Variants in ITGA1 observed in about 807,000 individuals in gnomAD.
ITGA1 encodes the protein integrin alpha-1.
Under a neutral mutation model 145.9 loss-of-function variants are expected in ITGA1, and 85 were observed. That is an observed-to-expected ratio of 0.58 (90% CI 0.49 to 0.70). The LOEUF (loss-of-function observed/expected upper bound fraction) is 0.70. ITGA1 is among the 30% of genes least tolerant of loss of function. ITGA1 has a pLI of 0.00. For synonymous variants in ITGA1, 520 were observed against 495.3 expected, an observed-to-expected ratio of 1.05 and a Z score of -0.66; for missense variants, 1,351 against 1,418.7, an observed-to-expected ratio of 0.95 and a Z score of 0.77.
intron 1 of ITGA1, chr5:52,801,055 C>A (rs1499280): frequency 0.91 from 1,474,118 of 1,613,542 alleles, 673,786 homozygotes; most frequent in Middle Eastern, 0.95. Context: ...CTGCGACTAC[C>A]TGTTTCAACA....
At chr5:52,871,812 C>G (rs1009935490) in intron 6 of ITGA1, among the ~76,000 whole-genome samples, 3 of 152,036 alleles carry the variant, frequency 2.0e-5, no homozygotes, top group Non-Finnish European at 4.4e-5. Context: ...TTTTTGTCAA[C>G]CAATTTTTTA....
At chr5:52,878,637 A>G (rs1749905906) in intron 6 of ITGA1, among the ~76,000 whole-genome samples, 1 of 152,230 alleles carries the variant, frequency 6.6e-6, no homozygotes, top group African/African-American at 2.4e-5. Flanking sequence ...TTGGCAGTTT[A>G]CGACAATTAG....
Position 52,887,750 on chromosome 5 carries a change from T to C in ITGA1, c.774-65T>C, listed in dbSNP as rs968545628. 2.7e-6 allele frequency: 4 copies of C among 1,483,014 alleles called. No individual in the cohort carries two copies. In the African/African-American group the frequency reaches 4.2e-5, roughly 16 times the overall value. 91.9% of individuals were successfully genotyped at this position (1,483,014 alleles called of 1,614,324 possible). On this transcript the variant is annotated intron_variant, in intron 7 of 28. Coordinates refer to ENST00000282588, the MANE Select transcript of ITGA1 (RefSeq NM_181501.2). Reference sequence around the variant, plus strand: ...TAGAGTAGTCAGTGTTTTTGTTTAGTTTTTTACTTTGTCTATTGTAAAGTG... The same window carrying C: ...TAGAGTAGTCAGTGTTTTTGTTTAGCTTTTTACTTTGTCTATTGTAAAGTG...
At chr5:52,844,806 G>A (rs62357147) in intron 1 of ITGA1, among the ~76,000 whole-genome samples, 10,373 of 152,100 alleles carry the variant, frequency 0.068, 491 homozygotes, top group Non-Finnish European at 0.1. Context: ...TGGAAGTGGA[G>A]GCTCGGTTGT....
chr5:52,837,258 C>T (rs964869625), intron 1 of ITGA1, among the ~76,000 whole-genome samples: 1 of 152,122 alleles, frequency 6.6e-6, no homozygotes, highest in Non-Finnish European at 1.5e-5. Context: ...CAAAGCAAAG[C>T]ATTTTCTTAA....
chr5:52,883,255 C>A (rs1295588844), intron 7 of ITGA1, among the ~76,000 whole-genome samples: 3 of 152,142 alleles, frequency 2.0e-5, no homozygotes, highest in Admixed American at 2.0e-4. Flanking sequence ...AACCTCTGAG[C>A]CTGTAGGGAG....
intron 26 of ITGA1, among the ~76,000 whole-genome samples, chr5:52,943,294 TG>T (rs1454054887): frequency 6.6e-6 from 1 of 152,206 alleles, no homozygotes; most frequent in East Asian, 1.9e-4. Context: ...TTTCTCATCT[TG>T]GGGGACTGAT....
At chr5:52,801,664 C>A in intron 1 of ITGA1, 1 of 1,614,060 alleles carries the variant, frequency 6.2e-7, no homozygotes, top group Non-Finnish European at 8.5e-7. Flanking sequence ...CACACGGAGC[C>A]GGTATGTGAG....
At position 52,953,746 on chromosome 5, in the gene ITGA1, T is replaced by C. The variant is rs1751263592; in HGVS notation, c.*1295T>C. Reference sequence around the variant, plus strand: ...TAAGCTCCTAGGTTGCTCCATTTCTTAGGAAAATAGCAATGAATGAATGTA... The same window carrying C: ...TAAGCTCCTAGGTTGCTCCATTTCTCAGGAAAATAGCAATGAATGAATGTA... On this transcript the variant is annotated 3_prime_UTR_variant, in exon 29 of 29. Coordinates refer to ENST00000282588, the MANE Select transcript of ITGA1 (RefSeq NM_181501.2). 1 of 152,186 alleles carries C rather than the reference T, an allele frequency of 6.6e-6. No individual in the cohort carries two copies. The highest frequency in any genetic ancestry group is 6.5e-5 in the Admixed American group (1 of 15,274). The allele number at this position is 152,186 out of a possible 1,614,324, so 9.4% of individuals were successfully genotyped here. A position where few individuals can be genotyped will look rare whatever the true frequency, so the allele number is the denominator to read the frequency against.
chr5:52,845,247 G>C (rs1395981439), intron 1 of ITGA1, among the ~76,000 whole-genome samples: 3 of 152,102 alleles, frequency 2.0e-5, no homozygotes, highest in Admixed American at 1.3e-4. Flanking sequence ...AAATCCTTCA[G>C]GGGGGTGAAA....
intron 27 of ITGA1, 139 bp from the exon 28 acceptor site, chr5:52,947,206 T>C (rs890973348): frequency 3.5e-6 from 2 of 573,322 alleles, no homozygotes; most frequent in Non-Finnish European, 6.3e-6. Flanking sequence ...GAGCATTTTC[T>C]AATGTAAATC....
chr5:52,873,533 T>C (rs542078584), intron 6 of ITGA1, among the ~76,000 whole-genome samples: 1 of 152,324 alleles, frequency 6.6e-6, no homozygotes, highest in African/African-American at 2.4e-5. Flanking sequence ...ATCAGTCCCA[T>C]TTATATCCCT....
At chr5:52,929,839 C>T (rs2111886202) in intron 21 of ITGA1, 138 bp downstream of exon 21, 1 of 485,810 alleles carries the variant, frequency 2.1e-6, no homozygotes, top group Non-Finnish European at 3.7e-6. Context: ...GGCAATTAAC[C>T]ACTTTGCTTC....
intron 1 of ITGA1, among the ~76,000 whole-genome samples, chr5:52,812,550 T>C (rs2111687714): frequency 6.6e-6 from 1 of 152,292 alleles, no homozygotes; most frequent in South Asian, 2.1e-4. Flanking sequence ...ATCCGGTAGG[T>C]AAGGACATTA....
intron 1 of ITGA1, chr5:52,800,144 T>G (rs868452784): frequency 1.9e-6 from 1 of 523,342 alleles, no homozygotes; most frequent in Non-Finnish European, 3.5e-6. Flanking sequence ...TGTGTAGGGG[T>G]AGATTTTCGC....
chr5:52,869,793 T>C (rs1749749423), intron 6 of ITGA1, among the ~76,000 whole-genome samples: 2 of 152,234 alleles, frequency 1.3e-5, no homozygotes, highest in South Asian at 2.1e-4. Context: ...TATATTACTT[T>C]ATACTTTATT....
intron 28 of ITGA1, 75 bp from the exon 29 acceptor site, chr5:52,952,332 T>C: frequency 5.4e-6 from 4 of 738,804 alleles, no homozygotes; most frequent in Admixed American, 3.7e-5. Flanking sequence ...TTAAATTTAA[T>C]TCTATCCAAA....
At chr5:52,825,946 T>C (rs1748954422) in intron 1 of ITGA1, among the ~76,000 whole-genome samples, 1 of 149,580 alleles carries the variant, frequency 6.7e-6, no homozygotes, top group African/African-American at 2.4e-5. Context: ...GGAAAGAAGT[T>C]AGTCTAAAAT....
rs546657741 is a variant in ITGA1 at position 52,874,814 on chromosome 5, A to C, written c.625-7059A>C. Among the ~76,000 whole-genome samples the C allele has an allele frequency of 7.9e-5, 12 of 152,340 alleles. No individual in the cohort carries two copies. In the South Asian group the frequency reaches 2.5e-3, roughly 32 times the overall value. Reference sequence around the variant, plus strand: ...TAATATATTGGGACAGCTACAATGCATGATGGTATGTCATAAATATAATGA... The same window carrying C: ...TAATATATTGGGACAGCTACAATGCCTGATGGTATGTCATAAATATAATGA... On this transcript the variant is annotated intron_variant, in intron 6 of 28. Coordinates refer to ENST00000282588, the MANE Select transcript of ITGA1 (RefSeq NM_181501.2).
Sources: gnomAD v4.1 joint callset for allele counts (sites outside exome capture counted in the v4.1 genomes callset) on GRCh38, gnomAD v4.1.1 for gene constraint, MANE v1.5 for transcripts, NCBI Gene and HGNC (gene_info 2026-07-23, HGNC 2026-07-21) for gene names.